SLC35E3: variants seen among roughly 807,000 people sequenced by gnomAD.
SLC35E3 encodes solute carrier family 35 member E3, also known as bladder cancer-overexpressed gene 1 protein.
Under a neutral mutation model 30.8 loss-of-function variants are expected in SLC35E3, and 28 were observed. The observed-to-expected ratio is 0.91, with a 90% confidence interval of 0.67 to 1.25. The LOEUF is 1.25. SLC35E3 is among the 50% of genes most tolerant of loss of function. SLC35E3 has a pLI of 0.00. For missense variants in SLC35E3, 365 were observed against 375.4 expected (o/e 0.97, Z 0.23); for synonymous variants, 146 against 149.2 (o/e 0.98, Z 0.16).
chr12:68,764,369 A>C (rs956926123), intron 4 of SLC35E3, among the ~76,000 whole-genome samples: 2 of 152,018 alleles, frequency 1.3e-5, no homozygotes, highest in African/African-American at 4.8e-5. Context: ...GCTCACTGCA[A>C]CCTCCACCTC....
chr12:68,769,411 CT>C lies in SLC35E3; in HGVS notation c.*4524del, dbSNP rs997067657. On this transcript the variant is annotated 3_prime_UTR_variant, in exon 5 of 5. Transcript: ENST00000398004. The stretch of plus-strand genomic sequence containing the variant: ...GTGGCTCACGCCTGTAATCCCAACA[CT>C]TTGGGAGGCTGAGGTGGGTGGATCA... 3.3e-5 allele frequency: 5 copies of C among 151,986 alleles called. No homozygotes were observed. Among genetic ancestry groups the C allele is most frequent in the African/African-American group, 1.2e-4 (5 of 41,352 alleles). The allele number at this position is 151,986 out of a possible 1,614,324, so 9.4% of individuals were successfully genotyped here.
chr12:68,746,480 A>G lies in SLC35E3; in HGVS notation c.103A>G (p.Ile35Val), dbSNP rs371316093. The change falls in exon 1 of 5, where the codon ATT becomes GTT. Residue 35 changes from isoleucine (I) to valine (V), a missense_variant. Ile to Val is a conservative substitution (Grantham distance 29, BLOSUM62 3). Coordinates refer to ENST00000398004, the MANE Select transcript of SLC35E3 (RefSeq NM_018656.5). ...CTGCATTGTGTTCCTCAACAAATGG[A>G]TTTATGTGTACCACGGCTTCCCCAA... The part of the protein sequence containing the change: ...SICIVFLNKW[I>V]YVYHGFPNMS... 132 of 1,614,014 alleles carry G rather than the reference A, an allele frequency of 8.2e-5. No individual in the cohort carries two copies. Among genetic ancestry groups the G allele is most frequent in the Non-Finnish European group, 1.1e-4 (124 of 1,180,016 alleles).
At chr12:68,751,947 C>T (rs1878812482) in intron 2 of SLC35E3, 85 bp from the exon 3 acceptor site, 2 of 1,326,240 alleles carry the variant, frequency 1.5e-6, no homozygotes. Context: ...CCCACATTCC[C>T]ATCTTTGTGA....
At chr12:68,753,552 A>G (rs1878884643) in intron 3 of SLC35E3, among the ~76,000 whole-genome samples, 1 of 152,022 alleles carries the variant, frequency 6.6e-6, no homozygotes, top group South Asian at 2.1e-4. Context: ...TTTGGTGAGG[A>G]TCATTTCATG....
intron 3 of SLC35E3, among the ~76,000 whole-genome samples, chr12:68,753,590 C>A (rs1455340070): frequency 6.6e-6 from 1 of 152,012 alleles, no homozygotes; most frequent in Non-Finnish European, 1.5e-5. Context: ...CACATAGGTA[C>A]ACATGCATGT....
chr12:68,758,280 C>T (rs946934787), intron 3 of SLC35E3, among the ~76,000 whole-genome samples: 7 of 151,678 alleles, frequency 4.6e-5, no homozygotes, highest in Non-Finnish European at 2.9e-5. Flanking sequence ...ATTAGCCGGG[C>T]GCAGTGGCAG....
At position 68,746,236 on chromosome 12, in the gene SLC35E3, C is replaced by T. The variant is rs1436187993; in HGVS notation, c.-142C>T. On this transcript the variant is annotated 5_prime_UTR_variant, in exon 1 of 5. Coordinates refer to ENST00000398004, the MANE Select transcript of SLC35E3 (RefSeq NM_018656.5). ...TGTCCTCTGTTAAGAGTGCTACTCG[C>T]CCGGGGTTGATCTGTGCATGCCACT... The T allele has an allele frequency of 2.7e-6, 2 of 741,342 alleles. No individual in the cohort carries two copies. The highest frequency in any genetic ancestry group is 4.3e-6 in the Non-Finnish European group (2 of 467,608). 45.9% of individuals were successfully genotyped at this position (741,342 alleles called of 1,614,324 possible). A position where few individuals can be genotyped will look rare whatever the true frequency, so the allele number is the denominator to read the frequency against.
chr12:68,751,301 GT>G (rs71436076), intron 2 of SLC35E3, among the ~76,000 whole-genome samples: 198 of 140,440 alleles, frequency 1.4e-3, no homozygotes, highest in Non-Finnish European at 2.0e-3. Context: ...CTCTGTCTTT[GT>G]TTTTTTTTTT....
At position 68,746,314 on chromosome 12, in the gene SLC35E3, A is replaced by C; in HGVS notation, c.-64A>C. On this transcript the variant is annotated 5_prime_UTR_variant, in exon 1 of 5. Transcript: ENST00000398004. ...TGCGAGGACGCGGCGGTGGAGTAGA[A>C]GGGCAGCCGGAGACAGGCCCGGCGC... is the stretch of plus-strand genomic sequence containing the variant. 1 of 1,494,054 alleles carries C rather than the reference A, an allele frequency of 6.7e-7. No individual in the cohort carries two copies. The highest frequency in any genetic ancestry group is 2.2e-5 in the Admixed American group (1 of 44,698). The allele number at this position is 1,494,054 out of a possible 1,614,324, so 92.5% of individuals were successfully genotyped here.
At chr12:68,764,622 G>A in intron 4 of SLC35E3, 82 bp from the exon 5 acceptor site, 1 of 1,342,000 alleles carries the variant, frequency 7.5e-7, no homozygotes, top group Non-Finnish European at 1.0e-6. Context: ...CTGCTTTTGG[G>A]TTGTTTTATG....
chr12:68,746,624 AGC>A lies in SLC35E3; in HGVS notation c.248_249del (p.Ser83IlefsTer9). ...PPSRLLLLAL[S>X]FCGFVVFTNL... ...CTCCAGGCTCCTCCTCCTGGCCCTC[AGC>A]TTCTGTGGCTTTGTGGTCTTCACTA... On this transcript the variant is annotated frameshift_variant, in exon 1 of 5. Transcript: ENST00000398004. LOFTEE classifies it high-confidence loss of function. 6.2e-7 allele frequency: 1 copy of A among 1,614,184 alleles called. No individual in the cohort carries two copies. Among genetic ancestry groups the A allele is most frequent in the Non-Finnish European group, 8.5e-7 (1 of 1,180,028 alleles).
chr12:68,779,545 A>G lies in SLC35E3; in HGVS notation c.*14655A>G, dbSNP rs936953994. The G allele has an allele frequency of 2.6e-5, 4 of 152,184 alleles. No homozygotes were observed. Among genetic ancestry groups the G allele is most frequent in the Non-Finnish European group, 5.9e-5 (4 of 68,048 alleles). The allele number at this position is 152,184 out of a possible 1,614,324, so 9.4% of individuals were successfully genotyped here. A position where few individuals can be genotyped will look rare whatever the true frequency, so the allele number is the denominator to read the frequency against. ...GGCTGGAACCAGAAAGGATATAAGC[A>G]TGGTTTGAGAAGGAAAAAAAGCTTA... is the stretch of plus-strand genomic sequence containing the variant. On this transcript the variant is annotated 3_prime_UTR_variant, in exon 5 of 5. Transcript: ENST00000398004.
chr12:68,765,560 C>G lies in SLC35E3; in HGVS notation c.*670C>G, dbSNP rs1879371622. ...CAAGATCGTACCACTGCACTCCAGCCTGGGCGACAGAGCAAGACACTGTCT... is the reference window on the plus strand; with the variant it reads ...CAAGATCGTACCACTGCACTCCAGCGTGGGCGACAGAGCAAGACACTGTCT... On this transcript the variant is annotated 3_prime_UTR_variant, in exon 5 of 5. Coordinates refer to ENST00000398004, the MANE Select transcript of SLC35E3 (RefSeq NM_018656.5). 1 of 148,492 alleles carries G rather than the reference C, an allele frequency of 6.7e-6. No individual in the cohort carries two copies. The highest frequency in any genetic ancestry group is 2.2e-4 in the South Asian group (1 of 4,602). The allele number at this position is 148,492 out of a possible 1,614,324, so 9.2% of individuals were successfully genotyped here.
At position 68,766,554 on chromosome 12, in the gene SLC35E3, C is replaced by A; in HGVS notation, c.*1664C>A. 1.5e-5 allele frequency: 3 copies of A among 205,992 alleles called. No homozygotes were observed. The highest frequency in any genetic ancestry group is 5.9e-5 in the Admixed American group (1 of 16,902). The allele number at this position is 205,992 out of a possible 1,614,324, so 12.8% of individuals were successfully genotyped here. ...AGAAAAGACTATAAATGGAATTGAA[C>A]ATGTTTGTTAGCTGTTTGAGCATTT... On this transcript the variant is annotated 3_prime_UTR_variant, in exon 5 of 5. Transcript: ENST00000398004.
rs1245896736 is a variant in SLC35E3, at chr12:68,776,788, C to A, written c.*11898C>A. 6.6e-6 allele frequency: 1 copy of A among 152,062 alleles called. No homozygotes were observed. The highest frequency in any genetic ancestry group is 1.9e-4 in the East Asian group (1 of 5,186). 9.4% of individuals were successfully genotyped at this position (152,062 alleles called of 1,614,324 possible). A position where few individuals can be genotyped will look rare whatever the true frequency, so the allele number is the denominator to read the frequency against. ...TGGAAGACAGGGACTGGTCTGGTGG[C>A]ATGTAGATTCATAAATGGCGTCCAA... On this transcript the variant is annotated 3_prime_UTR_variant, in exon 5 of 5. Transcript: ENST00000398004.
chr12:68,746,657 T>C lies in SLC35E3; in HGVS notation c.280T>C (p.Ser94Pro). Residue 94 changes from serine (S) to proline (P), a missense_variant, in exon 1 of 5, where the codon TCT becomes CCT. Coordinates refer to ENST00000398004, the MANE Select transcript of SLC35E3 (RefSeq NM_018656.5). Reference protein sequence around the residue: ...FCGFVVFTNLSLQNNTIGTYQ... With the variant: ...FCGFVVFTNLPLQNNTIGTYQ... ...TGGCTTTGTGGTCTTCACTAACCTT[T>C]CTCTGCAGAACAACACCATAGGCAC... 3.1e-6 allele frequency: 5 copies of C among 1,614,220 alleles called. No homozygotes were observed. Among genetic ancestry groups the C allele is most frequent in the Non-Finnish European group, 4.2e-6 (5 of 1,180,032 alleles).
chr12:68,761,294 T>C (rs1879225622), intron 4 of SLC35E3, among the ~76,000 whole-genome samples: 1 of 152,214 alleles, frequency 6.6e-6, no homozygotes, highest in Non-Finnish European at 1.5e-5. Flanking sequence ...ACACCTGTCA[T>C]TCCAACACTT....
chr12:68,755,013 A>G (rs1172286412), intron 3 of SLC35E3, among the ~76,000 whole-genome samples: 1 of 152,206 alleles, frequency 6.6e-6, no homozygotes, highest in Non-Finnish European at 1.5e-5. Flanking sequence ...GAAGTCTGAG[A>G]ACAGGCTGCC....
chr12:68,762,319 A>T (rs542547692), intron 4 of SLC35E3, among the ~76,000 whole-genome samples: 2 of 152,202 alleles, frequency 1.3e-5, no homozygotes, highest in African/African-American at 4.8e-5. Context: ...ATTCAGAGAG[A>T]TGAGAAACTA....
Sources: gnomAD v4.1 joint callset for allele counts (sites outside exome capture counted in the v4.1 genomes callset) on GRCh38, gnomAD v4.1.1 for gene constraint, MANE v1.5 for transcripts, NCBI Gene and HGNC (gene_info 2026-07-23, HGNC 2026-07-21) for gene names.